Variants in XYLT1 observed in about 807,000 individuals in gnomAD.
The protein encoded by XYLT1 is beta-D-xylosyltransferase 1.
Under a neutral mutation model 91.3 loss-of-function variants are expected in XYLT1, and 36 were observed. The ratio of observed to expected loss-of-function variants is 0.39; its 90% CI spans 0.30 to 0.52. XYLT1 has a LOEUF of 0.52. Ranked by LOEUF, XYLT1 falls within the 20% of genes least tolerant of loss-of-function variation. The pLI is 0.68. For synonymous variants in XYLT1, 588 were observed against 532.0 expected (o/e 1.11, Z -1.45); for missense variants, 1,242 against 1,284.5 (o/e 0.97, Z 0.51).
At chr16:17,177,369 G>C (rs2031968431) in intron 5 of XYLT1, among the ~76,000 whole-genome samples, 1 of 152,168 alleles carries the variant, frequency 6.6e-6, no homozygotes, top group African/African-American at 2.4e-5. Flanking sequence ...CTTTAGAAGA[G>C]AAGGGGTGAT....
At chr16:17,140,065 A>G (rs8056318) in intron 7 of XYLT1, among the ~76,000 whole-genome samples, 11,999 of 152,220 alleles carry the variant, frequency 0.079, 1,602 homozygotes, top group African/African-American at 0.27. Context: ...CTCAAGCTGG[A>G]TTGGAAATGA....
intron 3 of XYLT1, among the ~76,000 whole-genome samples, chr16:17,219,892 G>T (rs192655428): frequency 3.9e-5 from 6 of 152,302 alleles, no homozygotes; most frequent in African/African-American, 1.4e-4. Flanking sequence ...TTAGCAGGGC[G>T]TGGTGGTGCA....
intron 2 of XYLT1, among the ~76,000 whole-genome samples, chr16:17,349,766 A>G (rs2035194574): frequency 6.6e-6 from 1 of 151,904 alleles, no homozygotes; most frequent in Admixed American, 6.6e-5. Context: ...ATGCAGTATA[A>G]ATGCTTAATT....
intron 1 of XYLT1, among the ~76,000 whole-genome samples, chr16:17,440,454 T>C (rs897750267): frequency 2.6e-5 from 4 of 152,170 alleles, no homozygotes; most frequent in African/African-American, 9.7e-5. Context: ...TCAGCACAAC[T>C]GCATTCAATG....
chr16:17,350,952 C>G (rs2035211817), intron 2 of XYLT1, among the ~76,000 whole-genome samples: 1 of 152,204 alleles, frequency 6.6e-6, no homozygotes, highest in Non-Finnish European at 1.5e-5. Flanking sequence ...GAAAGATCTT[C>G]TCCATCAGTC....
chr16:17,319,466 A>C (rs78904584), intron 2 of XYLT1, among the ~76,000 whole-genome samples: 4,417 of 148,920 alleles, frequency 0.03, 227 homozygotes, highest in African/African-American at 0.1. Context: ...TTTTTTTTGG[A>C]AACTAAATCT....
chr16:17,232,129 T>C (rs1022559250), intron 3 of XYLT1, among the ~76,000 whole-genome samples: 1 of 144,786 alleles, frequency 6.9e-6, no homozygotes, highest in Non-Finnish European at 1.5e-5. Context: ...TATATTATAA[T>C]ATATAATAGA....
intron 2 of XYLT1, among the ~76,000 whole-genome samples, chr16:17,329,438 TA>T (rs2034863483): frequency 6.6e-6 from 1 of 152,250 alleles, no homozygotes; most frequent in Admixed American, 6.5e-5. Context: ...ATGCCAATAG[TA>T]AATCTTTTCA....
chr16:17,375,692 G>A (rs1002480175), intron 1 of XYLT1, among the ~76,000 whole-genome samples: 6 of 152,218 alleles, frequency 3.9e-5, no homozygotes, highest in South Asian at 2.1e-4. Flanking sequence ...CAGAGAGGCC[G>A]GGAACATGCT....
chr16:17,234,168 G>A (rs2141724958), intron 3 of XYLT1, among the ~76,000 whole-genome samples: 1 of 152,264 alleles, frequency 6.6e-6, no homozygotes, highest in Middle Eastern at 3.4e-3. Flanking sequence ...AAAAACCTTA[G>A]ACTGGAGGGA....
chr16:17,381,888 A>G (rs7191015), intron 1 of XYLT1, among the ~76,000 whole-genome samples: 63,572 of 151,660 alleles, frequency 0.42, 14,087 homozygotes, highest in African/African-American at 0.5. Context: ...TAACAGTGGC[A>G]ATGGATGTGG....
At chr16:17,218,197 G>T (rs1400803582) in intron 3 of XYLT1, among the ~76,000 whole-genome samples, 7 of 152,006 alleles carry the variant, frequency 4.6e-5, no homozygotes, top group Non-Finnish European at 1.0e-4. Context: ...GGTGGAGGTT[G>T]CAGTGAGCCA....
At chr16:17,470,288 C>A in intron 1 of XYLT1, 146 bp downstream of exon 1, 1 of 1,050,792 alleles carries the variant, frequency 9.5e-7, no homozygotes, top group East Asian at 3.4e-5. Flanking sequence ...GGACCCCACC[C>A]GGCTTCCCGG....
At chr16:17,455,029 G>T (rs1264884399) in intron 1 of XYLT1, among the ~76,000 whole-genome samples, 1 of 150,588 alleles carries the variant, frequency 6.6e-6, no homozygotes, top group Non-Finnish European at 1.5e-5. Context: ...CCTGGACAGA[G>T]ATAAAACTCC....
chr16:17,360,309 C>G (rs1338034204), intron 1 of XYLT1, among the ~76,000 whole-genome samples: 1 of 152,148 alleles, frequency 6.6e-6, no homozygotes, highest in Non-Finnish European at 1.5e-5. Context: ...AAAGCAGCTC[C>G]AATGGACAAG....
At chr16:17,112,407 C>T (rs918697833) in intron 11 of XYLT1, among the ~76,000 whole-genome samples, 1 of 151,852 alleles carries the variant, frequency 6.6e-6, no homozygotes, top group East Asian at 1.9e-4. Flanking sequence ...CTGGGTCATC[C>T]TGGGCATGTG....
intron 3 of XYLT1, among the ~76,000 whole-genome samples, chr16:17,219,742 G>C (rs2032931757): frequency 1.3e-5 from 2 of 152,302 alleles, no homozygotes; most frequent in South Asian, 4.1e-4. Context: ...CTGGGTTCAA[G>C]TGATTCTCCT....
At chr16:17,262,881 A>G (rs1185225697) in intron 2 of XYLT1, among the ~76,000 whole-genome samples, 2 of 152,128 alleles carry the variant, frequency 1.3e-5, no homozygotes, top group Admixed American at 6.5e-5. Context: ...CCAGGAGCTA[A>G]CCTGATCTCC....
intron 5 of XYLT1, among the ~76,000 whole-genome samples, chr16:17,175,381 C>T (rs756043460): frequency 6.6e-6 from 1 of 152,126 alleles, no homozygotes; most frequent in African/African-American, 2.4e-5. Flanking sequence ...TGTTACATAT[C>T]GGCTCAGTTT....
Sources: gnomAD v4.1 joint callset for allele counts (sites outside exome capture counted in the v4.1 genomes callset) on GRCh38, gnomAD v4.1.1 for gene constraint, MANE v1.5 for transcripts, NCBI Gene and HGNC (gene_info 2026-07-23, HGNC 2026-07-21) for gene names.